The following INO80D variants were observed in gnomAD, a reference collection of about 807,000 sequenced individuals.
The protein encoded by INO80D is INO80 complex subunit D.
INO80D carries 21 observed loss-of-function variants against 87.6 expected under a neutral mutation model. The ratio of observed to expected loss-of-function variants is 0.24; its 90% confidence interval spans 0.17 to 0.35. The LOEUF is 0.35. INO80D is among the 10% of genes least tolerant of loss of function. The pLI, the probability that INO80D is intolerant of heterozygous loss-of-function variation, is 1.00. For missense variants in INO80D, 982 were observed against 1,280.7 expected (o/e 0.77, Z 3.56); for synonymous variants, 440 against 491.0 (o/e 0.90, Z 1.37).
At position 206,047,937 on chromosome 2, in the gene INO80D, G is replaced by A. The variant is rs111794616; in HGVS notation, c.965-1325C>T. On this transcript the variant is annotated intron_variant, in intron 4 of 10. Transcript: ENST00000403263. Reference sequence around the variant, plus strand: ...GTGATCTCTGCTCATTGCAAGCTCCGCCTCCTGGGTTCACGCCATTCTCCT... The same window carrying A: ...GTGATCTCTGCTCATTGCAAGCTCCACCTCCTGGGTTCACGCCATTCTCCT... 9.8e-3 allele frequency among the ~76,000 whole-genome samples: 1,466 copies of A among 149,498 alleles called. 11 individuals are homozygous for A. Among genetic ancestry groups the A allele is most frequent in the African/African-American group, 0.033 (1,373 of 41,022 alleles).
intron 6 of INO80D, among the ~76,000 whole-genome samples, chr2:206,026,890 G>C (rs1688629432): frequency 6.6e-6 from 1 of 152,074 alleles, no homozygotes; most frequent in Non-Finnish European, 1.5e-5. Flanking sequence ...TATAAATCCT[G>C]TTTTCAAAAG....
In INO80D at chr2:206,024,631, T is replaced by G. The variant is rs1688553614; in HGVS notation, c.1298+3480A>C. 2.6e-5 allele frequency among the ~76,000 whole-genome samples: 4 copies of G among 152,296 alleles called. 1 individual carries two copies. In the Middle Eastern group the frequency reaches 0.01, roughly 389 times the overall value. ...GATATGCAACTGAAAATTAGGTCAC[T>G]TTATTACAACAAATGAAAAGCAAAA... On this transcript the variant is annotated intron_variant, in intron 6 of 10. Coordinates refer to ENST00000403263, the MANE Select transcript of INO80D (RefSeq NM_017759.5).
intron 5 of INO80D, among the ~76,000 whole-genome samples, chr2:206,043,636 C>G (rs1209562579): frequency 6.6e-6 from 1 of 152,064 alleles, no homozygotes; most frequent in East Asian, 1.9e-4. Flanking sequence ...TACAGGCACC[C>G]GCCACCAGGC....
In INO80D at chr2:206,063,231, A is replaced by G. The variant is rs1689732198; in HGVS notation, c.-110T>C. 1 of 563,212 alleles carries G rather than the reference A, an allele frequency of 1.8e-6. No homozygotes were observed. Among genetic ancestry groups the G allele is most frequent in the Non-Finnish European group, 3.1e-6 (1 of 326,256 alleles). The allele number at this position is 563,212 out of a possible 1,614,324, so 34.9% of individuals were successfully genotyped here. A position where few individuals can be genotyped will look rare whatever the true frequency, so the allele number is the denominator to read the frequency against. On this transcript the variant is annotated 5_prime_UTR_variant, in exon 2 of 11. Transcript: ENST00000403263. ...CAGTTTGGAATGCCGCAGAATCAGGATGAAGCAGATTGTCTATAAAAATAT... is the reference window on the plus strand; with the variant it reads ...CAGTTTGGAATGCCGCAGAATCAGGGTGAAGCAGATTGTCTATAAAAATAT...
rs1284825500 is a variant in INO80D, at chr2:206,042,004, C to T, written c.1073+4500G>A. ...AAAATTAGCCAGGTGTGGTAGCACA[C>T]GCCTATGATCTCAGTCACTCAGGAA... On this transcript the variant is annotated intron_variant, in intron 5 of 10. Coordinates refer to ENST00000403263, the MANE Select transcript of INO80D (RefSeq NM_017759.5). Among the ~76,000 whole-genome samples, 5 of 151,902 alleles carry T rather than the reference C, an allele frequency of 3.3e-5. 1 individual carries two copies. The highest frequency in any genetic ancestry group is 4.8e-5 in the African/African-American group (2 of 41,356).
intron 4 of INO80D, among the ~76,000 whole-genome samples, chr2:206,050,417 G>A (rs1689320654): frequency 6.7e-6 from 1 of 148,762 alleles, no homozygotes; most frequent in African/African-American, 2.5e-5. Context: ...GCTTGAACCC[G>A]GGAGGCGGAG....
intron 4 of INO80D, among the ~76,000 whole-genome samples, chr2:206,048,125 G>C (rs1444563237): frequency 6.6e-6 from 1 of 152,060 alleles, no homozygotes; most frequent in Non-Finnish European, 1.5e-5. Flanking sequence ...AAAGTGCTGG[G>C]ATTACAGGCG....
intron 7 of INO80D, among the ~76,000 whole-genome samples, chr2:206,018,836 G>A (rs1688386947): frequency 6.6e-6 from 1 of 152,138 alleles, no homozygotes; most frequent in Non-Finnish European, 1.5e-5. Context: ...CAGGGAGGTC[G>A]AGGCTGCAGT....
intron 6 of INO80D, among the ~76,000 whole-genome samples, chr2:206,020,558 A>AT (rs1463543305): frequency 6.6e-6 from 1 of 152,126 alleles, no homozygotes; most frequent in Non-Finnish European, 1.5e-5. Flanking sequence ...CTTTAGATCT[A>AT]TTTTTTAAAC....
In INO80D at chr2:206,046,481, T is replaced by C. The variant is rs569154619; in HGVS notation, c.1073+23A>G. ...AGACTCCGTCTCAAAAAAAAAAGAA[T>C]AAAAACAGAACAGAAGACTTACGCA... On this transcript the variant is annotated intron_variant, in intron 5 of 10. Transcript: ENST00000403263. The C allele has an allele frequency of 7.2e-5, 106 of 1,470,954 alleles. 1 individual carries two copies. In the South Asian group the frequency reaches 1.2e-3, roughly 16 times the overall value. 91.1% of individuals were successfully genotyped at this position (1,470,954 alleles called of 1,614,324 possible). A position where few individuals can be genotyped will look rare whatever the true frequency, so the allele number is the denominator to read the frequency against.
chr2:206,017,899 C>T, intron 7 of INO80D, 86 bp from the exon 8 acceptor site: 2 of 1,182,526 alleles, frequency 1.7e-6, no homozygotes, highest in Non-Finnish European at 2.4e-6. Flanking sequence ...CCTTACATTT[C>T]ATAAGTACAA....
chr2:206,021,173 CA>C (rs1688453796), intron 6 of INO80D, among the ~76,000 whole-genome samples: 1 of 152,110 alleles, frequency 6.6e-6, no homozygotes, highest in African/African-American at 2.4e-5. Context: ...ATATCACAAA[CA>C]AAAAATCTTT....
chr2:206,054,288 C>A (rs1443228929), intron 4 of INO80D, among the ~76,000 whole-genome samples: 1 of 151,450 alleles, frequency 6.6e-6, no homozygotes, highest in Non-Finnish European at 1.5e-5. Context: ...TCCCAAAGTG[C>A]TAGGATTATA....
chr2:206,001,440 C>G lies in INO80D; in HGVS notation c.*2928G>C, dbSNP rs956805474. 1 of 152,206 alleles carries G rather than the reference C, an allele frequency of 6.6e-6. No individual in the cohort carries two copies. Among genetic ancestry groups the G allele is most frequent in the Non-Finnish European group, 1.5e-5 (1 of 68,028 alleles). 9.4% of individuals were successfully genotyped at this position (152,206 alleles called of 1,614,324 possible). A position where few individuals can be genotyped will look rare whatever the true frequency, so the allele number is the denominator to read the frequency against. On this transcript the variant is annotated 3_prime_UTR_variant, in exon 11 of 11. Coordinates refer to ENST00000403263, the MANE Select transcript of INO80D (RefSeq NM_017759.5). ...GCCACTATTTCTCCTGGGTTCAACA[C>G]TAGAATAAAAGCTAGTTTCTACCTA...
chr2:206,028,411 G>C (rs1688674827), intron 5 of INO80D, 76 bp from the exon 6 acceptor site: 1 of 1,185,432 alleles, frequency 8.4e-7, no homozygotes, highest in African/African-American at 1.5e-5. Context: ...CGAGAATTAG[G>C]AAATGTAGCT....
intron 3 of INO80D, among the ~76,000 whole-genome samples, chr2:206,059,366 G>A (rs987270304): frequency 2.6e-5 from 4 of 152,012 alleles, no homozygotes; most frequent in Non-Finnish European, 4.4e-5. Context: ...GGGCAACAGA[G>A]TGAGACTCAG....
chr2:206,065,065 G>A (rs1374187078), intron 1 of INO80D, among the ~76,000 whole-genome samples: 2 of 152,096 alleles, frequency 1.3e-5, no homozygotes, highest in Non-Finnish European at 2.9e-5. Context: ...CACCCCATAC[G>A]AAAATCAACT....
At chr2:206,047,720 C>T (rs1316778351) in intron 4 of INO80D, among the ~76,000 whole-genome samples, 1 of 151,832 alleles carries the variant, frequency 6.6e-6, no homozygotes, top group Non-Finnish European at 1.5e-5. Context: ...CAACGAAGGG[C>T]CCTATGATAA....
chr2:206,023,317 T>C (rs1688516709), intron 6 of INO80D, among the ~76,000 whole-genome samples: 1 of 152,106 alleles, frequency 6.6e-6, no homozygotes, highest in Admixed American at 6.6e-5. Context: ...AGGACTTTAA[T>C]ACCGAAAATA....
Sources: gnomAD v4.1 joint callset for allele counts (sites outside exome capture counted in the v4.1 genomes callset) on GRCh38, gnomAD v4.1.1 for gene constraint, MANE v1.5 for transcripts, NCBI Gene and HGNC (gene_info 2026-07-23, HGNC 2026-07-21) for gene names.